The following DMC1 variants were observed in gnomAD, a reference collection of about 807,000 sequenced individuals.
DMC1 encodes the protein DNA meiotic recombinase 1.
Under a neutral mutation model 50.1 loss-of-function variants are expected in DMC1, and 27 were observed. The observed-to-expected ratio is 0.54, with a 90% CI of 0.40 to 0.74. DMC1 has a LOEUF of 0.74. Among genes scored for constraint, DMC1 ranks in the 30% least tolerant of loss-of-function variants. The probability of loss-of-function intolerance (pLI) is 0.00; values close to 1 mark genes in which losing one functional copy is unlikely to be tolerated. For missense variants in DMC1, 295 were observed against 420.2 expected, an observed-to-expected ratio of 0.70 and a Z score of 2.60; for synonymous variants, 148 against 136.1, an observed-to-expected ratio of 1.09 and a Z score of -0.61.
chr22:38,543,234 T>G (rs976052417), intron 8 of DMC1, among the ~76,000 whole-genome samples: 14 of 151,334 alleles, frequency 9.3e-5, no homozygotes, highest in Non-Finnish European at 4.4e-5. Context: ...TAAATTGTTT[T>G]TTTTTTTTTT....
At chr22:38,534,418 A>G (rs2090188165) in intron 12 of DMC1, among the ~76,000 whole-genome samples, 2 of 152,218 alleles carry the variant, frequency 1.3e-5, no homozygotes, top group South Asian at 4.1e-4. Context: ...AAATACATAT[A>G]CAGGCTGGGC....
At chr22:38,523,930 A>G (rs769912716) in intron 12 of DMC1, among the ~76,000 whole-genome samples, 4 of 152,190 alleles carry the variant, frequency 2.6e-5, no homozygotes, top group Non-Finnish European at 4.4e-5. Flanking sequence ...ACGGATAGTC[A>G]AGGTTAGCTA....
chr22:38,526,241 G>T (rs951502175), intron 12 of DMC1, among the ~76,000 whole-genome samples: 43 of 151,600 alleles, frequency 2.8e-4, no homozygotes, highest in African/African-American at 1.0e-3. Context: ...GTCTTGCTCT[G>T]TTGCCCAGGC....
chr22:38,547,425 G>A (rs1351679614), intron 8 of DMC1, among the ~76,000 whole-genome samples: 1 of 152,220 alleles, frequency 6.6e-6, no homozygotes, highest in East Asian at 1.9e-4. Context: ...AGCTTGGAGA[G>A]GCAGGCTGGG....
At chr22:38,533,395 C>CAA (rs1296043692) in intron 12 of DMC1, among the ~76,000 whole-genome samples, 822 of 36,806 alleles carry the variant, frequency 0.022, 1 homozygote, top group Non-Finnish European at 0.033. Context: ...GACTCCATCA[C>CAA]AAAAAAAAAA....
intron 12 of DMC1, among the ~76,000 whole-genome samples, chr22:38,522,975 G>C (rs962228059): frequency 1.3e-5 from 2 of 152,200 alleles, no homozygotes; most frequent in African/African-American, 2.4e-5. Context: ...GGACACTATG[G>C]CACATATCTG....
intron 8 of DMC1, among the ~76,000 whole-genome samples, chr22:38,542,968 C>T (rs1231583653): frequency 6.6e-6 from 1 of 152,148 alleles, no homozygotes; most frequent in Non-Finnish European, 1.5e-5. Context: ...ACGGTCTCTT[C>T]AGTAAATGGT....
At chr22:38,563,477 A>C (rs957651347) in intron 4 of DMC1, among the ~76,000 whole-genome samples, 10 of 152,062 alleles carry the variant, frequency 6.6e-5, no homozygotes, top group Admixed American at 4.6e-4. Context: ...CAGTGTTTAG[A>C]ACCACCGTAT....
At chr22:38,516,901 T>G (rs1015313159), downstream of DMC1, among the ~76,000 whole-genome samples, 1 of 152,174 alleles carries the variant, frequency 6.6e-6, no homozygotes, top group Non-Finnish European at 1.5e-5. Flanking sequence ...TCACGGCTCA[T>G]TGCAGCCTCG....
chr22:38,568,837 A>G (rs183283802), intron 1 of DMC1, among the ~76,000 whole-genome samples: 208 of 152,192 alleles, frequency 1.4e-3, no homozygotes, highest in African/African-American at 4.8e-3. Context: ...TTTTTGTTTC[A>G]TAGAACATTA....
intron 4 of DMC1, among the ~76,000 whole-genome samples, chr22:38,563,331 A>C (rs998038664): frequency 6.6e-6 from 1 of 152,146 alleles, no homozygotes; most frequent in African/African-American, 2.4e-5. Flanking sequence ...GTTGTTTTAT[A>C]CTATGACTGT....
downstream of DMC1, among the ~76,000 whole-genome samples, chr22:38,514,696 A>G (rs2089964255): frequency 1.3e-5 from 2 of 152,186 alleles, no homozygotes; most frequent in Non-Finnish European, 2.9e-5. Context: ...TACACTAATT[A>G]TAGTGCATTA....
chr22:38,523,457 C>T (rs2090052394), intron 12 of DMC1, among the ~76,000 whole-genome samples: 1 of 152,140 alleles, frequency 6.6e-6, no homozygotes, highest in East Asian at 1.9e-4. Flanking sequence ...CTATGAACTC[C>T]GAGCCTGCAA....
At chr22:38,535,671 G>A (rs954171918) in intron 12 of DMC1, among the ~76,000 whole-genome samples, 4 of 151,380 alleles carry the variant, frequency 2.6e-5, no homozygotes, top group Non-Finnish European at 4.4e-5. Flanking sequence ...GCAGTGGCAC[G>A]ATCTTGGCTC....
At chr22:38,523,921 C>T (rs941151941) in intron 12 of DMC1, among the ~76,000 whole-genome samples, 3 of 152,044 alleles carry the variant, frequency 2.0e-5, no homozygotes, top group South Asian at 2.1e-4. Context: ...GAGCTAAGAA[C>T]GGATAGTCAA....
intron 5 of DMC1, among the ~76,000 whole-genome samples, chr22:38,558,143 G>C (rs1355095526): frequency 6.6e-6 from 1 of 150,872 alleles, no homozygotes; most frequent in Non-Finnish European, 1.5e-5. Flanking sequence ...TGTATTTTTA[G>C]TAGAGACAGG....
intron 12 of DMC1, among the ~76,000 whole-genome samples, chr22:38,527,829 A>T (rs1350288709): frequency 6.6e-6 from 1 of 151,386 alleles, no homozygotes; most frequent in Non-Finnish European, 1.5e-5. Context: ...TTACTTCTTC[A>T]TTTTTAATGG....
At chr22:38,521,563 A>G in intron 13 of DMC1, 45 bp downstream of exon 13, 1 of 1,082,896 alleles carries the variant, frequency 9.2e-7, no homozygotes, top group Non-Finnish European at 1.4e-6. Flanking sequence ...ACACACACAC[A>G]CACACACACA....
chr22:38,509,919 G>C, the DMC1 span, among the ~76,000 whole-genome samples: 1 of 152,046 alleles, frequency 6.6e-6, no homozygotes, highest in Non-Finnish European at 1.5e-5. Context: ...CACCCACCTT[G>C]GCCTCCCAAA....
Sources: allele counts gnomAD v4.1 joint callset (sites outside exome capture counted in the v4.1 genomes callset), GRCh38; gene constraint gnomAD v4.1.1; transcripts MANE v1.5; gene names NCBI Gene and HGNC (gene_info 2026-07-23, HGNC 2026-07-21).